The following SMARCD2 variants were observed in gnomAD, a reference collection of about 807,000 sequenced individuals.
The protein encoded by SMARCD2 is SWI/SNF related BAF chromatin remodeling complex subunit D2.
SMARCD2 carries 39 observed loss-of-function variants against 70.4 expected under a neutral mutation model. The observed-to-expected ratio is 0.55, with a 90% CI of 0.43 to 0.72. The LOEUF (loss-of-function observed/expected upper bound fraction) is 0.72, where lower values mean the gene tolerates loss of function less well. Ranked by LOEUF, SMARCD2 falls within the 30% of genes least tolerant of loss-of-function variation. The probability of loss-of-function intolerance (pLI) is 0.00; values close to 1 mark genes in which losing one functional copy is unlikely to be tolerated. For synonymous variants in SMARCD2, 249 were observed against 279.4 expected (o/e 0.89, Z 1.08); for missense variants, 540 against 713.4 (o/e 0.76, Z 2.77).
chr17:63,834,246 A>G lies in SMARCD2; in HGVS notation c.1004T>C (p.Leu335Pro). The G allele has an allele frequency of 6.2e-7, 1 of 1,610,204 alleles. No homozygotes were observed. The highest frequency in any genetic ancestry group is 8.5e-7 in the Non-Finnish European group (1 of 1,178,270). ...TQTRAAIMQA[L>P]WLYIKHNQLQ... ...CTGGTTGTGCTTGATGTAAAGCCAC[A>G]GGGCCTGCATGATGGCGGCCCTCGT... Residue 335 changes from leucine to proline, a missense_variant, in exon 8 of 13, where the codon CTG (leucine) becomes CCG (proline). Physicochemically the swap from Leu to Pro is moderately conservative, Grantham distance 98. Coordinates refer to ENST00000448276, the MANE Select transcript of SMARCD2 (RefSeq NM_001098426.2). The surrounding 1 kb of genome is among the most constrained non-coding windows in gnomAD (Gnocchi z 5.6).
intron 4 of SMARCD2, chr17:63,836,717 G>T: frequency 1.9e-6 from 1 of 530,922 alleles, no homozygotes; most frequent in East Asian, 2.9e-5. Context: ...GTACTACTGT[G>T]AAGTATTTTA....
At position 63,834,033 on chromosome 17, in the gene SMARCD2, T is replaced by G; in HGVS notation, c.1084-27A>C. The G allele has an allele frequency of 1.2e-6, 2 of 1,606,824 alleles. No individual in the cohort carries two copies. Among genetic ancestry groups the G allele is most frequent in the South Asian group, 2.2e-5 (2 of 90,916 alleles). On this transcript the variant is annotated intron_variant, in intron 8 of 12. Transcript: ENST00000448276. The surrounding 1 kb of genome is among the most constrained non-coding windows in gnomAD (Gnocchi z 5.6). ...TGGAGGAAATACGAAAGGCTCAGCGTTGGCTTGTGGGCACAGTGGAGTGGA... is the reference window on the plus strand; with the variant it reads ...TGGAGGAAATACGAAAGGCTCAGCGGTGGCTTGTGGGCACAGTGGAGTGGA...
chr17:63,842,064 A>G (rs554865905), intron 1 of SMARCD2, among the ~76,000 whole-genome samples: 1 of 152,292 alleles, frequency 6.6e-6, no homozygotes, highest in East Asian at 1.9e-4. Flanking sequence ...TTGGACTGGG[A>G]CCAAGGCCGA....
chr17:63,840,954 C>T (rs1333414449), intron 1 of SMARCD2, among the ~76,000 whole-genome samples: 5 of 152,242 alleles, frequency 3.3e-5, no homozygotes, highest in Non-Finnish European at 7.3e-5. Context: ...AGGGGCTGTC[C>T]CAAGGGCACA....
chr17:63,841,478 G>A (rs752971476), intron 1 of SMARCD2, among the ~76,000 whole-genome samples: 1 of 152,228 alleles, frequency 6.6e-6, no homozygotes, highest in Non-Finnish European at 1.5e-5. Context: ...AGAACCTGAA[G>A]GCCAAATAAA....
At chr17:63,838,609 C>T in intron 1 of SMARCD2, 1 of 1,494,966 alleles carries the variant, frequency 6.7e-7, no homozygotes, top group Non-Finnish European at 8.9e-7. Flanking sequence ...GGATTTCCCA[C>T]CTGAGGCCTT....
intron 1 of SMARCD2, among the ~76,000 whole-genome samples, chr17:63,839,478 GC>G (rs1429378819): frequency 6.6e-6 from 1 of 151,982 alleles, no homozygotes; most frequent in Non-Finnish European, 1.5e-5. Flanking sequence ...CTCACTCAGG[GC>G]CCCAGGGGAA....
At position 63,833,885 on chromosome 17, in the gene SMARCD2, T is replaced by G. The variant is rs1231950191; in HGVS notation, c.1181+24A>C. ...GGTGAATCTGCTCTTAGAAGAGCCT[T>G]CCTGTCCCCCTCCTTGCATTTACCT... On this transcript the variant is annotated intron_variant, in intron 9 of 12. Transcript: ENST00000448276. The surrounding 1 kb of genome is among the most constrained non-coding windows in gnomAD (Gnocchi z 4.3). 3 of 1,573,226 alleles carry G rather than the reference T, an allele frequency of 1.9e-6. No individual in the cohort carries two copies. The highest frequency in any genetic ancestry group is 2.6e-6 in the Non-Finnish European group (3 of 1,143,288).
At chr17:63,838,607 C>T in intron 1 of SMARCD2, 1 of 1,491,128 alleles carries the variant, frequency 6.7e-7, no homozygotes, top group Non-Finnish European at 8.9e-7. Context: ...AAGGATTTCC[C>T]ACCTGAGGCC....
In SMARCD2 at chr17:63,833,297, C is replaced by T; in HGVS notation, c.1440+1G>A. 1 of 1,613,966 alleles carries T rather than the reference C, an allele frequency of 6.2e-7. No homozygotes were observed. Among genetic ancestry groups the T allele is most frequent in the East Asian group, 2.2e-5 (1 of 44,880 alleles). Reference sequence around the variant, plus strand: ...AGTCCCCTCGGGAAAGAGGACTACACCTTGAGGTCTCGGCGCTGGGAACGG... The same window carrying T: ...AGTCCCCTCGGGAAAGAGGACTACATCTTGAGGTCTCGGCGCTGGGAACGG... On this transcript the variant is annotated splice_donor_variant, in intron 11 of 12. Transcript: ENST00000448276. LOFTEE classifies it high-confidence loss of function. This position sits in a 1 kb window ranked among gnomAD's most constrained non-coding sequence, Gnocchi z 4.3.
chr17:63,836,307 G>A (rs1268621284), intron 4 of SMARCD2, among the ~76,000 whole-genome samples: 1 of 151,900 alleles, frequency 6.6e-6, no homozygotes, highest in African/African-American at 2.4e-5. Flanking sequence ...TCAGGAGTTC[G>A]AGACCAGCCT....
intron 1 of SMARCD2, chr17:63,838,626 T>C: frequency 1.3e-6 from 2 of 1,496,974 alleles, no homozygotes; most frequent in Non-Finnish European, 1.8e-6. Context: ...CCTTGCTCCC[T>C]GACATTTCTG....
rs1204444195 is a variant in SMARCD2, at chr17:63,837,228, C to T, written c.411G>A (p.Arg137=). 6.2e-7 allele frequency: 1 copy of T among 1,613,752 alleles called. No homozygotes were observed. Reference sequence around the variant, plus strand: ...GTAGAACCTTATCTGCCATCTTCCTCCTCTTTAACCTGGGGAGGACAGAAA... The same window carrying T: ...GTAGAACCTTATCTGCCATCTTCCTTCTCTTTAACCTGGGGAGGACAGAAA... The part of the protein sequence containing the change: ...PMPAQRRGLK[R]RKMADKVLPQ... The change falls in exon 3 of 13, where the codon AGG becomes AGA. Residue 137 remains arginine, a synonymous_variant. Transcript: ENST00000448276. This position sits in a 1 kb window ranked among gnomAD's most constrained non-coding sequence, Gnocchi z 6.4.
intron 4 of SMARCD2, 121 bp downstream of exon 4, chr17:63,836,801 G>A (rs1299990409): frequency 1.5e-5 from 12 of 823,858 alleles, no homozygotes; most frequent in Non-Finnish European, 2.2e-5. Context: ...TACTCTACTA[G>A]TGGGCTGCAT....
Position 63,834,552 on chromosome 17 carries a change from CTGGGTGG to C in SMARCD2, c.836_842del (p.Thr279ArgfsTer8). 1 of 1,607,530 alleles carries C rather than the reference CTGGGTGG, an allele frequency of 6.2e-7. No homozygotes were observed. Among genetic ancestry groups the C allele is most frequent in the Non-Finnish European group, 8.5e-7 (1 of 1,175,356 alleles). ...GTTTTACTTGGAAGCCATCTGTCTC[CTGGGTGG>C]TGGGCATCCGGTGCCACTGGCAGGG... On this transcript the variant is annotated frameshift_variant, in exon 7 of 13. Coordinates refer to ENST00000448276, the MANE Select transcript of SMARCD2 (RefSeq NM_001098426.2). LOFTEE classifies it high-confidence loss of function. The surrounding 1 kb of genome is among the most constrained non-coding windows in gnomAD (Gnocchi z 5.6).
rs1317451412 is a variant in SMARCD2, at chr17:63,832,108, T to A, written c.*830A>T. The A allele has an allele frequency of 1.1e-6, 1 of 928,410 alleles. No homozygotes were observed. Among genetic ancestry groups the A allele is most frequent in the East Asian group, 2.6e-5 (1 of 38,156 alleles). 57.5% of individuals were successfully genotyped at this position (928,410 alleles called of 1,614,324 possible). A position where few individuals can be genotyped will look rare whatever the true frequency, so the allele number is the denominator to read the frequency against. On this transcript the variant is annotated 3_prime_UTR_variant, in exon 13 of 13. Transcript: ENST00000448276. ...ATAGACAAAAGGATTTATTTGGAAA[T>A]TTCCAAACCTGCCAGATGTGGCACT...
At chr17:63,841,516 G>C (rs1904460759) in intron 1 of SMARCD2, among the ~76,000 whole-genome samples, 1 of 152,226 alleles carries the variant, frequency 6.6e-6, no homozygotes, top group African/African-American at 2.4e-5. Flanking sequence ...AAGGCAGATG[G>C]GCACAGTTTC....
chr17:63,835,410 A>T lies in SMARCD2; in HGVS notation c.723+2T>A. 6.2e-7 allele frequency: 1 copy of T among 1,612,390 alleles called. No homozygotes were observed. Among genetic ancestry groups the T allele is most frequent in the South Asian group, 1.1e-5 (1 of 90,918 alleles). On this transcript the variant is annotated splice_donor_variant, in intron 5 of 12. Coordinates refer to ENST00000448276, the MANE Select transcript of SMARCD2 (RefSeq NM_001098426.2). LOFTEE classifies it high-confidence loss of function. ...CCTCCAGAACCTCCCTCCCCAACTC[A>T]CATCATCCAGCAGTTTTCCTTCCAC...
At position 63,835,412 on chromosome 17, in the gene SMARCD2, A is replaced by G; in HGVS notation, c.723T>C (p.Asp241=). ...TCCAGAACCTCCCTCCCCAACTCAC[A>G]TCATCCAGCAGTTTTCCTTCCACTC... ...ELRVEGKLLD[D]PSKQKRKFSS... is the part of the protein sequence containing the mutation. Residue 241 remains aspartate (D), a splice_region_variant and synonymous_variant, in exon 5 of 13, where the codon GAT becomes GAC. Coordinates refer to ENST00000448276, the MANE Select transcript of SMARCD2 (RefSeq NM_001098426.2). The G allele has an allele frequency of 6.2e-7, 1 of 1,612,656 alleles. No homozygotes were observed. The highest frequency in any genetic ancestry group is 8.5e-7 in the Non-Finnish European group (1 of 1,179,104).
Sources: gnomAD v4.1 joint callset for allele counts (sites outside exome capture counted in the v4.1 genomes callset) on GRCh38, gnomAD v4.1.1 for gene constraint, Gnocchi (gnomAD v3.1) non-coding constraint, MANE v1.5 for transcripts, NCBI Gene and HGNC (gene_info 2026-07-23, HGNC 2026-07-21) for gene names.